ADAMTSL1: variants seen among roughly 807,000 people sequenced by gnomAD.
ADAMTSL1 encodes ADAMTS-like protein 1.
ADAMTSL1 carries 126 observed loss-of-function variants against 201.8 expected under a neutral mutation model. The ratio of observed to expected loss-of-function variants is 0.62; its 90% CI spans 0.54 to 0.72. The LOEUF is 0.72. Ranked by LOEUF, ADAMTSL1 falls within the 30% of genes least tolerant of loss-of-function variation. ADAMTSL1 has a pLI of 0.00. For missense variants in ADAMTSL1, 2,679 were observed against 2,277.8 expected, an observed-to-expected ratio of 1.18 and a Z score of -3.59; for synonymous variants, 1,121 against 903.4, an observed-to-expected ratio of 1.24 and a Z score of -4.32.
intron 2 of ADAMTSL1, among the ~76,000 whole-genome samples, chr9:18,338,651 G>A (rs10963578): frequency 0.22 from 32,741 of 151,902 alleles, 4,165 homozygotes; most frequent in Admixed American, 0.41. Context: ...AGGTTCAGGG[G>A]TACATGTGCA....
At chr9:17,931,466 G>C (rs1232053715) in intron 1 of ADAMTSL1, among the ~76,000 whole-genome samples, 1 of 152,112 alleles carries the variant, frequency 6.6e-6, no homozygotes, top group Non-Finnish European at 1.5e-5. Context: ...AAGTTGGGAG[G>C]AGACGGCATT....
chr9:18,427,171 C>T (rs1034266385), intron 2 of ADAMTSL1, among the ~76,000 whole-genome samples: 1 of 152,172 alleles, frequency 6.6e-6, no homozygotes, highest in African/African-American at 2.4e-5. Flanking sequence ...TGAAATAAGT[C>T]TAACTAAAAG....
chr9:18,778,703 TTA>T (rs1821209456), intron 19 of ADAMTSL1, among the ~76,000 whole-genome samples: 1 of 152,230 alleles, frequency 6.6e-6, no homozygotes, highest in South Asian at 2.1e-4. Flanking sequence ...TGTAAACTCT[TTA>T]TGTGTTTTAT....
At chr9:18,494,544 T>C (rs1343312654) in intron 1 of ADAMTSL1, among the ~76,000 whole-genome samples, 1 of 152,076 alleles carries the variant, frequency 6.6e-6, no homozygotes, top group Admixed American at 6.6e-5. Context: ...GATTACTAGA[T>C]GTCCTCACAG....
chr9:18,635,623 T>C (rs1827060744), intron 5 of ADAMTSL1, among the ~76,000 whole-genome samples: 1 of 152,212 alleles, frequency 6.6e-6, no homozygotes, highest in Non-Finnish European at 1.5e-5. Flanking sequence ...ATGTTTTAAT[T>C]CAGCCCAAGT....
chr9:18,215,425 A>G (rs1350765982), intron 2 of ADAMTSL1, among the ~76,000 whole-genome samples: 1 of 152,254 alleles, frequency 6.6e-6, no homozygotes, highest in Admixed American at 6.5e-5. Flanking sequence ...ATTGTATTTT[A>G]TGAAGTAAAC....
intron 23 of ADAMTSL1, among the ~76,000 whole-genome samples, chr9:18,869,210 G>A (rs1250779216): frequency 1.3e-5 from 2 of 152,166 alleles, no homozygotes; most frequent in African/African-American, 4.8e-5. Flanking sequence ...GTCCTCAAAT[G>A]GAGCCAACCT....
intron 4 of ADAMTSL1, among the ~76,000 whole-genome samples, chr9:18,608,442 A>T (rs1587698215): frequency 6.6e-6 from 1 of 152,170 alleles, no homozygotes; most frequent in Non-Finnish European, 1.5e-5. Context: ...ATTCATTTCT[A>T]TGCATGTGAG....
chr9:18,414,976 TC>T (rs576266973), intron 2 of ADAMTSL1, among the ~76,000 whole-genome samples: 1 of 152,196 alleles, frequency 6.6e-6, no homozygotes, highest in South Asian at 2.1e-4. Context: ...AAGTCTTGCC[TC>T]AATCATGGGG....
chr9:18,551,331 A>G (rs1273654578), intron 3 of ADAMTSL1, among the ~76,000 whole-genome samples: 1 of 151,918 alleles, frequency 6.6e-6, no homozygotes, highest in Non-Finnish European at 1.5e-5. Context: ...TAATTTGTTT[A>G]GGACAATTTG....
At chr9:18,793,100 G>A (rs1368563564) in intron 19 of ADAMTSL1, 1 of 152,178 alleles carries the variant, frequency 6.6e-6, no homozygotes, top group Non-Finnish European at 1.5e-5. Context: ...AGTAATAGTG[G>A]TGATGATCTG....
chr9:18,389,185 CTT>C (rs74865114), intron 2 of ADAMTSL1, among the ~76,000 whole-genome samples: 2,460 of 145,418 alleles, frequency 0.017, 73 homozygotes, highest in African/African-American at 0.056. Flanking sequence ...ATTTCTACCT[CTT>C]TTTTTTTTTT....
chr9:18,173,015 A>T (rs1010721767), intron 2 of ADAMTSL1, among the ~76,000 whole-genome samples: 2 of 152,142 alleles, frequency 1.3e-5, no homozygotes, highest in Non-Finnish European at 2.9e-5. Context: ...TTGGGATGCT[A>T]TGCATAGTAC....
intron 1 of ADAMTSL1, among the ~76,000 whole-genome samples, chr9:18,084,073 A>G (rs1217470284): frequency 1.3e-5 from 2 of 152,198 alleles, no homozygotes; most frequent in Non-Finnish European, 2.9e-5. Flanking sequence ...TCCATTTCCC[A>G]TTGTAGACAA....
chr9:18,765,817 T>C (rs1820324146), intron 16 of ADAMTSL1, among the ~76,000 whole-genome samples: 1 of 152,028 alleles, frequency 6.6e-6, no homozygotes, highest in Non-Finnish European at 1.5e-5. Flanking sequence ...TTTCTGAAAA[T>C]ATGAGAGCTA....
intron 26 of ADAMTSL1, among the ~76,000 whole-genome samples, chr9:18,896,338 A>C (rs1829635207): frequency 6.6e-6 from 1 of 152,260 alleles, no homozygotes; most frequent in Non-Finnish European, 1.5e-5. Context: ...CATTGTGTAC[A>C]AGAAATTCTC....
At chr9:18,071,895 G>A (rs1804212996) in intron 1 of ADAMTSL1, among the ~76,000 whole-genome samples, 3 of 152,180 alleles carry the variant, frequency 2.0e-5, no homozygotes, top group Non-Finnish European at 4.4e-5. Flanking sequence ...CTTCCTGTGT[G>A]TCCCTTGCTA....
At chr9:18,180,762 C>G (rs1347204089) in intron 2 of ADAMTSL1, among the ~76,000 whole-genome samples, 1 of 152,094 alleles carries the variant, frequency 6.6e-6, no homozygotes, top group African/African-American at 2.4e-5. Flanking sequence ...CAATGACTTT[C>G]TTCACAGAAT....
At chr9:18,221,996 T>C (rs1249951698) in intron 2 of ADAMTSL1, among the ~76,000 whole-genome samples, 1 of 152,096 alleles carries the variant, frequency 6.6e-6, no homozygotes, top group African/African-American at 2.4e-5. Flanking sequence ...TTTAGATTTG[T>C]ATCTTCCCGA....
Sources: gnomAD v4.1 joint callset for allele counts (sites outside exome capture counted in the v4.1 genomes callset) on GRCh38, gnomAD v4.1.1 for gene constraint, MANE v1.5 for transcripts, NCBI Gene and HGNC (gene_info 2026-07-23, HGNC 2026-07-21) for gene names.